HPS5: variants seen among roughly 807,000 people sequenced by gnomAD.
The protein encoded by HPS5 is BLOC-2 complex member HPS5.
HPS5 carries 83 observed loss-of-function variants against 128.0 expected under a neutral mutation model. The observed-to-expected ratio is 0.65, with a 90% CI of 0.54 to 0.78. The LOEUF (loss-of-function observed/expected upper bound fraction) is 0.78. Ranked by LOEUF, HPS5 falls within the 30% of genes least tolerant of loss-of-function variation. The probability of loss-of-function intolerance (pLI) is 0.00; values close to 1 mark genes in which losing one functional copy is unlikely to be tolerated. For synonymous variants in HPS5, 475 were observed against 470.2 expected (o/e 1.01, Z -0.13); for missense variants, 1,281 against 1,326.2 (o/e 0.97, Z 0.53).
chr11:18,309,044 T>C lies in HPS5; in HGVS notation c.513A>G (p.Thr171=), dbSNP rs747532781. Residue 171 remains threonine, a synonymous_variant, in exon 6 of 23, where the codon ACA becomes ACG. Coordinates refer to ENST00000349215, the MANE Select transcript of HPS5 (RefSeq NM_181507.2). ...CAACACAGGAGTCAACAGTTGTGAT[T>C]GTCTGAACAGGAAACATCACAAAAG... ...AAAFVMFPVQ[T]ITTVDSCVVQ... 1.1e-5 allele frequency: 18 copies of C among 1,614,020 alleles called. No homozygotes were observed. The South Asian group carries it at 2.0e-4, about 18-fold the overall frequency.
chr11:18,284,033 A>C, intron 20 of HPS5, 132 bp from the exon 21 acceptor site: 1 of 673,264 alleles, frequency 1.5e-6, no homozygotes, highest in South Asian at 1.7e-5. Context: ...ATAACATCTG[A>C]AAGTCAGTTT....
intron 9 of HPS5, 53 bp downstream of exon 9, chr11:18,300,775 A>G (rs1861613930): frequency 1.1e-6 from 1 of 919,494 alleles, no homozygotes. Flanking sequence ...CTCCTACAAT[A>G]ATCAAATTTT....
At chr11:18,314,871 T>C (rs1863434119) in intron 2 of HPS5, among the ~76,000 whole-genome samples, 1 of 152,074 alleles carries the variant, frequency 6.6e-6, no homozygotes. Context: ...CAGCTGATTT[T>C]TGTATTTTTT....
chr11:18,287,509 GTC>G (rs1564932488), intron 18 of HPS5, 24 bp downstream of exon 18: 1 of 1,612,838 alleles, frequency 6.2e-7, no homozygotes, highest in Admixed American at 1.7e-5. Context: ...AGAAAGGAGA[GTC>G]TGCAAATATG....
intron 2 of HPS5, among the ~76,000 whole-genome samples, chr11:18,317,193 CAAAAA>C (rs113486556): frequency 5.0e-5 from 7 of 139,878 alleles, no homozygotes; most frequent in African/African-American, 1.9e-4. Context: ...GACTCCGTCT[CAAAAA>C]AAAAAAAAGA....
chr11:18,308,880 T>C (rs1421563857), intron 6 of HPS5, 66 bp downstream of exon 6: 1 of 1,517,776 alleles, frequency 6.6e-7, no homozygotes, highest in Non-Finnish European at 9.1e-7. Context: ...TTGGGGTAGA[T>C]AACTTCTAAG....
At chr11:18,321,189 G>C (rs1864278303) in intron 1 of HPS5, among the ~76,000 whole-genome samples, 1 of 152,122 alleles carries the variant, frequency 6.6e-6, no homozygotes, top group Non-Finnish European at 1.5e-5. Context: ...GCCTTCAACA[G>C]CTCTATTTCT....
At chr11:18,287,190 A>T (rs1465352831) in intron 18 of HPS5, among the ~76,000 whole-genome samples, 3 of 152,208 alleles carry the variant, frequency 2.0e-5, no homozygotes, top group African/African-American at 7.2e-5. Context: ...TAAAAAGAGA[A>T]GAGCTGGAAC....
Position 18,291,531 on chromosome 11 carries a change from A to G in HPS5, c.2351T>C (p.Leu784Pro), listed in dbSNP as rs769042407. ...ACQFLKKYFFLLNLKRAKESI... is the reference protein window; with the variant it reads ...ACQFLKKYFFPLNLKRAKESI... ...CTCCTTCGCTCTTTTCAAGTTCAGG[A>G]GAAAAAAGTACTTCTTCAGGAACTG... is the stretch of plus-strand genomic sequence containing the variant. Residue 784 changes from leucine (L) to proline (P), a missense_variant, in exon 16 of 23, where the codon CTC becomes CCC. Transcript: ENST00000349215. 3.1e-6 allele frequency: 5 copies of G among 1,611,336 alleles called. No homozygotes were observed. The East Asian group carries it at 1.1e-4, about 36-fold the overall frequency.
In HPS5 at chr11:18,296,984, C is replaced by G; in HGVS notation, c.1324G>C (p.Glu442Gln). ...SSRRSSISSH[E>Q]SFSILDSGIY... ...CCAGAGTCCAAGATGCTGAAACTTTCCTAAAAATTAAAAGAATTCAAAAAA... is the reference window on the plus strand; with the variant it reads ...CCAGAGTCCAAGATGCTGAAACTTTGCTAAAAATTAAAAGAATTCAAAAAA... The change falls in exon 12 of 23, where the codon GAA (glutamate) becomes CAA (glutamine). Residue 442 changes from glutamate (E) to glutamine (Q), a missense_variant and splice_region_variant. By Grantham distance (29) the Glu-to-Gln change is conservative (BLOSUM62 2). Coordinates refer to ENST00000349215, the MANE Select transcript of HPS5 (RefSeq NM_181507.2). 2 of 1,576,368 alleles carry G rather than the reference C, an allele frequency of 1.3e-6. No individual in the cohort carries two copies.
At chr11:18,287,461 G>C in intron 18 of HPS5, 74 bp downstream of exon 18, 1 of 1,518,830 alleles carries the variant, frequency 6.6e-7, no homozygotes, top group Non-Finnish European at 9.1e-7. Context: ...TACACAATGT[G>C]ACACCTGCTT....
intron 2 of HPS5, among the ~76,000 whole-genome samples, chr11:18,315,812 T>C (rs996076448): frequency 1.3e-5 from 2 of 152,228 alleles, no homozygotes; most frequent in African/African-American, 4.8e-5. Flanking sequence ...TGGGGGATTT[T>C]ACCTGCATAA....
rs1485414225 is a variant in HPS5, at chr11:18,279,962, A to G, written c.3330-20T>C. ...AAGGCCCTGAAATCCCAAAGAAAAG[A>G]AACAAGCAAATTTAGTTGTCATTGT... On this transcript the variant is annotated intron_variant, in intron 22 of 22. Coordinates refer to ENST00000349215, the MANE Select transcript of HPS5 (RefSeq NM_181507.2). 6 of 1,612,584 alleles carry G rather than the reference A, an allele frequency of 3.7e-6. No individual in the cohort carries two copies. The highest frequency in any genetic ancestry group is 5.1e-6 in the Non-Finnish European group (6 of 1,178,662).
At chr11:18,299,394 C>A (rs1185466346) in intron 9 of HPS5, among the ~76,000 whole-genome samples, 1 of 152,148 alleles carries the variant, frequency 6.6e-6, no homozygotes, top group Non-Finnish European at 1.5e-5. Context: ...TCTGTCTTGG[C>A]AGAGTATCCT....
In HPS5 at chr11:18,311,515, T is replaced by TA. The variant is rs1564977177; in HGVS notation, c.220-65_220-64insT. The TA allele has an allele frequency of 7.9e-4, 570 of 723,136 alleles. 1 individual carries two copies. The highest frequency in any genetic ancestry group is 2.9e-3 in the African/African-American group (155 of 52,848). The allele number at this position is 723,136 out of a possible 1,614,324, so 44.8% of individuals were successfully genotyped here. On this transcript the variant is annotated intron_variant, in intron 3 of 22. Transcript: ENST00000349215. ...TTTTACATTATTATTATTATTATTT[T>TA]TTTTTTTTTTTTTGAGACTGAGTCT...
intron 20 of HPS5, 36 bp from the exon 21 acceptor site, chr11:18,283,937 G>C (rs1396618909): frequency 1.4e-6 from 2 of 1,450,576 alleles, no homozygotes; most frequent in Non-Finnish European, 1.9e-6. Context: ...AGGAATAAAA[G>C]GCCATGAATT....
chr11:18,282,351 A>T (rs1246368572), intron 21 of HPS5, 131 bp from the exon 22 acceptor site: 35 of 987,684 alleles, frequency 3.5e-5, no homozygotes, highest in Non-Finnish European at 4.8e-5. Flanking sequence ...TCATCACCCT[A>T]ACACAAGTTG....
chr11:18,311,847 A>G lies in HPS5; in HGVS notation c.219+67T>C, dbSNP rs556101672. On this transcript the variant is annotated intron_variant, in intron 3 of 22. Coordinates refer to ENST00000349215, the MANE Select transcript of HPS5 (RefSeq NM_181507.2). ...TCTTTTATTCCAAATGATTATTTAT[A>G]TTGGAGAAATTTGCATTTATGAAAG... is the stretch of plus-strand genomic sequence containing the variant. The G allele has an allele frequency of 3.1e-5, 32 of 1,039,886 alleles. No individual in the cohort carries two copies. In the African/African-American group the frequency reaches 3.3e-4, roughly 11 times the overall value. 64.4% of individuals were successfully genotyped at this position (1,039,886 alleles called of 1,614,324 possible).
Position 18,296,128 on chromosome 11 carries a change from G to C in HPS5, c.1511-6C>G. On this transcript the variant is annotated splice_region_variant and splice_polypyrimidine_tract_variant and intron_variant, in intron 12 of 22. Transcript: ENST00000349215. ...TGGAGCATGAGAAACATTGTCTAAT[G>C]AATGGAATCAGGAAAAAAAGAAACA... 1.2e-6 allele frequency: 2 copies of C among 1,612,890 alleles called. No individual in the cohort carries two copies. Among genetic ancestry groups the C allele is most frequent in the Non-Finnish European group, 1.7e-6 (2 of 1,179,014 alleles).
Sources: gnomAD v4.1 joint callset for allele counts (sites outside exome capture counted in the v4.1 genomes callset) on GRCh38, gnomAD v4.1.1 for gene constraint, MANE v1.5 for transcripts, NCBI Gene and HGNC (gene_info 2026-07-23, HGNC 2026-07-21) for gene names.